Variants in CTNNA3 observed in about 807,000 individuals in gnomAD.
The protein encoded by CTNNA3 is catenin alpha 3.
Under a neutral mutation model 95.7 loss-of-function variants are expected in CTNNA3, and 76 were observed. That is an observed-to-expected ratio of 0.79 (90% confidence interval 0.66 to 0.96). The LOEUF (loss-of-function observed/expected upper bound fraction) is 0.96, where lower values mean the gene tolerates loss of function less well. Among genes scored for constraint, CTNNA3 ranks in the 40% least tolerant of loss-of-function variants. The pLI is 0.00. For synonymous variants in CTNNA3, 431 were observed against 374.4 expected (o/e 1.15, Z -1.74); for missense variants, 1,191 against 1,089.8 (o/e 1.09, Z -1.31).
At chr10:66,517,473 C>G (rs1840903048) in intron 11 of CTNNA3, among the ~76,000 whole-genome samples, 1 of 152,012 alleles carries the variant, frequency 6.6e-6, no homozygotes, top group Non-Finnish European at 1.5e-5. Context: ...AAGATGGCCA[C>G]AAGAGTGACC....
At chr10:66,667,203 CT>C (rs1233166662) in intron 9 of CTNNA3, among the ~76,000 whole-genome samples, 1 of 144,092 alleles carries the variant, frequency 6.9e-6, no homozygotes, top group African/African-American at 2.6e-5. Context: ...TTTTTTTTGC[CT>C]AATTTTGTTA....
intron 11 of CTNNA3, among the ~76,000 whole-genome samples, chr10:66,447,025 C>T (rs896279968): frequency 6.6e-6 from 1 of 151,426 alleles, no homozygotes; most frequent in Non-Finnish European, 1.5e-5. Flanking sequence ...TTCTTATACA[C>T]CAATAACAGA....
rs547541509 is a variant in CTNNA3 at position 66,117,822 on chromosome 10, A to C, written c.1885-14573T>G. Among the ~76,000 whole-genome samples the C allele has an allele frequency of 1.3e-3, 198 of 152,340 alleles. 1 individual carries two copies. The highest frequency in any genetic ancestry group is 4.4e-3 in the African/African-American group (181 of 41,584). On this transcript the variant is annotated intron_variant, in intron 13 of 17. Transcript: ENST00000433211. ...ATTATAGAATGCCAATATTATTGAC[A>C]ACTATATAAGAGTACTATGGAGCTA...
chr10:67,229,558 C>T (rs1398893650), intron 5 of CTNNA3, among the ~76,000 whole-genome samples: 4 of 152,090 alleles, frequency 2.6e-5, no homozygotes, highest in Non-Finnish European at 1.5e-5. Flanking sequence ...TGATCGTTTA[C>T]CTTGAAAACC....
chr10:66,600,272 A>G (rs1206107273), intron 10 of CTNNA3, among the ~76,000 whole-genome samples: 2 of 151,914 alleles, frequency 1.3e-5, no homozygotes, highest in Non-Finnish European at 2.9e-5. Flanking sequence ...AGAAAGTTTT[A>G]ATACAAAATA....
intron 12 of CTNNA3, among the ~76,000 whole-genome samples, chr10:66,287,657 G>A (rs1273596254): frequency 6.6e-6 from 1 of 152,026 alleles, no homozygotes; most frequent in Non-Finnish European, 1.5e-5. Context: ...CATGAGAAAG[G>A]CTAGATACCA....
chr10:67,152,233 T>A (rs1283937973), intron 7 of CTNNA3, among the ~76,000 whole-genome samples: 1 of 152,172 alleles, frequency 6.6e-6, no homozygotes, highest in Non-Finnish European at 1.5e-5. Flanking sequence ...TGGCTCCCAG[T>A]CACTCACTGA....
chr10:67,008,443 A>C (rs1332598114), intron 7 of CTNNA3, among the ~76,000 whole-genome samples: 1 of 152,152 alleles, frequency 6.6e-6, no homozygotes, highest in East Asian at 1.9e-4. Context: ...AGTAGGCTGA[A>C]ATTCACTACA....
At chr10:66,233,657 C>A (rs2089703550) in intron 13 of CTNNA3, among the ~76,000 whole-genome samples, 1 of 145,628 alleles carries the variant, frequency 6.9e-6, no homozygotes, top group Admixed American at 7.1e-5. Flanking sequence ...GGACTGATAT[C>A]ATTGAGTGTT....
intron 5 of CTNNA3, among the ~76,000 whole-genome samples, chr10:67,378,424 A>G (rs942985600): frequency 6.6e-6 from 1 of 152,148 alleles, no homozygotes; most frequent in Non-Finnish European, 1.5e-5. Context: ...GTAGAACACT[A>G]TTAACAAATG....
intron 5 of CTNNA3, among the ~76,000 whole-genome samples, chr10:67,252,180 T>C (rs75333985): frequency 0.033 from 4,656 of 139,718 alleles, 236 homozygotes; most frequent in African/African-American, 0.12. Context: ...CACTGCCCTC[T>C]AACTTGGGCA....
At chr10:67,116,126 C>T (rs887955608) in intron 7 of CTNNA3, among the ~76,000 whole-genome samples, 8 of 151,764 alleles carry the variant, frequency 5.3e-5, no homozygotes, top group South Asian at 2.1e-4. Context: ...ATTGCATTTG[C>T]AGCAGTGGTA....
chr10:66,459,384 C>T (rs75992850), intron 11 of CTNNA3, among the ~76,000 whole-genome samples: 4,966 of 152,056 alleles, frequency 0.033, 344 homozygotes, highest in East Asian at 0.23. Flanking sequence ...CAATCCTAAC[C>T]CCTGAATTAT....
chr10:67,571,113 T>C (rs982710740), intron 3 of CTNNA3, among the ~76,000 whole-genome samples: 1 of 152,082 alleles, frequency 6.6e-6, no homozygotes, highest in Admixed American at 6.6e-5. Flanking sequence ...TCTCTAATAT[T>C]AATGATGATA....
chr10:67,503,033 G>A (rs1249534438), intron 5 of CTNNA3, among the ~76,000 whole-genome samples: 4 of 152,180 alleles, frequency 2.6e-5, no homozygotes, highest in Admixed American at 6.5e-5. Context: ...AATTCCTGCA[G>A]CTAGCTCAGT....
At chr10:66,374,613 T>C (rs1325088786) in intron 12 of CTNNA3, among the ~76,000 whole-genome samples, 2 of 118,370 alleles carry the variant, frequency 1.7e-5, no homozygotes, top group African/African-American at 2.9e-5. Flanking sequence ...AGCCTTTTTT[T>C]TTTTTTTTTT....
At chr10:66,228,195 T>C (rs10762032) in intron 13 of CTNNA3, among the ~76,000 whole-genome samples, 32,540 of 152,002 alleles carry the variant, frequency 0.21, 3,670 homozygotes, top group South Asian at 0.29. Flanking sequence ...ATTTTATTAT[T>C]TCTTTCTATC....
intron 16 of CTNNA3, among the ~76,000 whole-genome samples, chr10:65,986,425 T>C: frequency 6.7e-6 from 1 of 150,336 alleles, no homozygotes; most frequent in Non-Finnish European, 1.5e-5. Flanking sequence ...ACACAAATAG[T>C]GAACAATCTA....
intron 11 of CTNNA3, among the ~76,000 whole-genome samples, chr10:66,399,902 C>G (rs908494382): frequency 2.0e-5 from 3 of 151,868 alleles, no homozygotes; most frequent in Non-Finnish European, 4.4e-5. Context: ...AAATTTATGC[C>G]ACTTGTTTAT....
Sources: gnomAD v4.1 joint callset for allele counts (sites outside exome capture counted in the v4.1 genomes callset) on GRCh38, gnomAD v4.1.1 for gene constraint, MANE v1.5 for transcripts, NCBI Gene and HGNC (gene_info 2026-07-23, HGNC 2026-07-21) for gene names.